The following ADPRHL1 variants were observed in gnomAD, a reference collection of about 807,000 sequenced individuals.
ADPRHL1 encodes ADP-ribosylhydrolase like 1.
In ADPRHL1, 43 loss-of-function variants were observed where a neutral mutation model predicts 44.1. The observed-to-expected ratio is 0.98, with a 90% CI of 0.76 to 1.26. ADPRHL1 has a LOEUF of 1.26. Ranked by LOEUF, ADPRHL1 falls within the 50% of genes most tolerant of loss-of-function variation. The probability of loss-of-function intolerance (pLI) is 0.00; values close to 1 mark genes in which losing one functional copy is unlikely to be tolerated. For synonymous variants in ADPRHL1, 878 were observed against 1,017.4 expected (o/e 0.86, Z 2.61); for missense variants, 2,022 against 2,496.9 (o/e 0.81, Z 4.05).
At chr13:113,419,055 TCTCCTTCCTTCACTCCCTCC>T (rs1566470048) in intron 7 of ADPRHL1, among the ~76,000 whole-genome samples, 1 of 126,188 alleles carries the variant, frequency 7.9e-6, no homozygotes, top group Non-Finnish European at 1.7e-5. Flanking sequence ...CCTTCCTTCT[TCTCCTTCCTTCACTCCCTCC>T]TTCCTTCCTT....
At chr13:113,430,386 CT>C (rs2043998197) in intron 3 of ADPRHL1, among the ~76,000 whole-genome samples, 1 of 152,206 alleles carries the variant, frequency 6.6e-6, no homozygotes, top group Admixed American at 6.5e-5. Context: ...ATCGTGGGGA[CT>C]GCAGCCGCTG....
intron 7 of ADPRHL1, among the ~76,000 whole-genome samples, chr13:113,418,987 C>T (rs889988975): frequency 7.1e-6 from 1 of 140,892 alleles, no homozygotes; most frequent in African/African-American, 2.8e-5. Context: ...TCCTTCCCTC[C>T]CTCCCTCCCT....
chr13:113,412,065 C>T (rs1277195502), intron 7 of ADPRHL1, among the ~76,000 whole-genome samples: 3 of 152,174 alleles, frequency 2.0e-5, no homozygotes, highest in East Asian at 1.9e-4. Context: ...GGTCTACTCC[C>T]GGCTCAGCAT....
At chr13:113,410,131 C>T (rs2043841437) in intron 7 of ADPRHL1, 2 of 985,372 alleles carry the variant, frequency 2.0e-6, no homozygotes, top group Non-Finnish European at 2.4e-6. Context: ...TGACCCAGGG[C>T]CAGGACGGAC....
chr13:113,423,172 T>C lies in ADPRHL1; in HGVS notation c.908-193A>G, dbSNP rs978493144. Among the ~76,000 whole-genome samples the C allele has an allele frequency of 2.0e-5, 3 of 151,970 alleles. No individual in the cohort carries two copies. The South Asian group carries it at 6.2e-4, about 32-fold the overall frequency. On this transcript the variant is annotated intron_variant, in intron 6 of 7. Transcript: ENST00000612156. ...CACAGGCGGCTGAGATGGGAGAATC[T>C]CTTGAACCCGGGAGGCAGAGGTGGC...
Position 113,430,378 on chromosome 13 carries a change from C to T in ADPRHL1, c.506-1286G>A, listed in dbSNP as rs780648053. Among the ~76,000 whole-genome samples, 7 of 152,332 alleles carry T rather than the reference C, an allele frequency of 4.6e-5. No individual in the cohort carries two copies. In the South Asian group the frequency reaches 6.2e-4, roughly 14 times the overall value. On this transcript the variant is annotated intron_variant, in intron 3 of 7. Transcript: ENST00000612156. ...GCTCTCTCCTCTCACTGCTAGCCAT[C>T]GTGGGGACTGCAGCCGCTGCGGGTC...
At chr13:113,428,689 G>A (rs539991402) in intron 4 of ADPRHL1, among the ~76,000 whole-genome samples, 4 of 152,370 alleles carry the variant, frequency 2.6e-5, no homozygotes, top group East Asian at 1.9e-4. Flanking sequence ...TGGACCCGCC[G>A]GAGGCAAATG....
Position 113,405,362 on chromosome 13 carries a change from C to T in ADPRHL1, c.3920G>A (p.Gly1307Glu). 8.1e-7 allele frequency: 1 copy of T among 1,231,878 alleles called. No individual in the cohort carries two copies. The highest frequency in any genetic ancestry group is 1.5e-5 in the African/African-American group (1 of 64,562). The allele number at this position is 1,231,878 out of a possible 1,614,324, so 76.3% of individuals were successfully genotyped here. The change falls in exon 8 of 8, where the codon GGG (glycine) becomes GAG (glutamate). Residue 1307 changes from glycine (G) to glutamate (E), a missense_variant. By Grantham distance (98) the Gly-to-Glu change is moderately conservative. Transcript: ENST00000612156. ...KGREGVRFPR[G>E]AEPDHLLPAV... The stretch of plus-strand genomic sequence containing the variant: ...GGGAAGCAGATGGTCAGGCTCCGCC[C>T]CACGGGGAAACCTGACGCCCTCCCT...
In ADPRHL1 at chr13:113,441,029, C is replaced by T. The variant is rs556339982; in HGVS notation, c.379+3396G>A. On this transcript the variant is annotated intron_variant, in intron 2 of 7. Transcript: ENST00000612156. This position sits in a 1 kb window ranked among gnomAD's most constrained non-coding sequence, Gnocchi z 6.0. ...TTAGCCAGGTGTGGTGGTGGGCGCC[C>T]GTAGTCCCAGCTACTTGGGAGGTGG... Among the ~76,000 whole-genome samples, 53 of 152,064 alleles carry T rather than the reference C, an allele frequency of 3.5e-4. No individual in the cohort carries two copies. In the East Asian group the frequency reaches 7.2e-3, roughly 21 times the overall value.
Position 113,407,412 on chromosome 13 carries a change from C to A in ADPRHL1, c.1870G>T (p.Ala624Ser). 8.1e-7 allele frequency: 1 copy of A among 1,231,862 alleles called. No homozygotes were observed. The allele number at this position is 1,231,862 out of a possible 1,614,324, so 76.3% of individuals were successfully genotyped here. A position where few individuals can be genotyped will look rare whatever the true frequency, so the allele number is the denominator to read the frequency against. Reference protein sequence around the residue: ...TAEPLPALSIATVVCGPRSWL... With the variant: ...TAEPLPALSISTVVCGPRSWL... ...CTCCTGGGGCCACAGACGACGGTGG[C>A]GATGCTGAGGGCCGGCAGGGGCTCA... The change falls in exon 8 of 8, where the codon GCC (alanine) becomes TCC (serine). Residue 624 changes from alanine to serine, a missense_variant. Around this residue, in one of 8 missense-constraint regions of ADPRHL1, gnomAD observed 1,221 missense variants for 1,517.8 expected, o/e 0.80. Transcript: ENST00000612156.
At chr13:113,444,814 G>A (rs906814063) in intron 1 of ADPRHL1, among the ~76,000 whole-genome samples, 5 of 151,912 alleles carry the variant, frequency 3.3e-5, no homozygotes, top group Admixed American at 6.6e-5. Flanking sequence ...TAGTAGAGAC[G>A]GGGTTTCACC....
chr13:113,412,870 G>A (rs1326149786), intron 7 of ADPRHL1, among the ~76,000 whole-genome samples: 1 of 51,446 alleles, frequency 1.9e-5, no homozygotes, highest in African/African-American at 1.2e-4. Flanking sequence ...TTCACCCACC[G>A]CCAACAGCGC....
chr13:113,406,804 T>C lies in ADPRHL1; in HGVS notation c.2478A>G (p.Pro826=). The change falls in exon 8 of 8, where the codon CCA becomes CCG. Residue 826 remains proline (P), a synonymous_variant. Coordinates refer to ENST00000612156, the MANE Select transcript of ADPRHL1 (RefSeq NM_001394807.1). The part of the protein sequence containing the change: ...VPEHIPPLNA[P]SVQAARRTQP... ...GTGTTCTCCGAGCAGCCTGGACCGA[T>C]GGAGCGTTCAGGGGTGGGATGTGCT... The C allele has an allele frequency of 8.1e-7, 1 of 1,232,072 alleles. No individual in the cohort carries two copies. The highest frequency in any genetic ancestry group is 1.0e-6 in the Non-Finnish European group (1 of 988,012). 76.3% of individuals were successfully genotyped at this position (1,232,072 alleles called of 1,614,324 possible). A position where few individuals can be genotyped will look rare whatever the true frequency, so the allele number is the denominator to read the frequency against.
At chr13:113,443,856 T>C (rs1299975489) in intron 2 of ADPRHL1, among the ~76,000 whole-genome samples, 2 of 151,592 alleles carry the variant, frequency 1.3e-5, no homozygotes, top group Non-Finnish European at 2.9e-5. Context: ...GACCGGAGAA[T>C]TTCCTGAACC....
At chr13:113,410,868 G>A (rs994889813) in intron 7 of ADPRHL1, among the ~76,000 whole-genome samples, 6 of 152,240 alleles carry the variant, frequency 3.9e-5, no homozygotes, top group African/African-American at 1.2e-4. Context: ...GCCTTCCGCC[G>A]GGCGTCTCTG....
chr13:113,404,751 G>A lies in ADPRHL1; in HGVS notation c.4531C>T (p.Gln1511Ter). The change falls in exon 8 of 8, where the codon CAG becomes TAG. Residue 1511 changes from glutamine (Q) to a stop codon, truncating the protein, a stop_gained. Transcript: ENST00000612156. LOFTEE classifies it low-confidence loss of function (END_TRUNC). ...TGCCCCTGGGCCTCTATCTGGGTCT[G>A]CCACTGGGCCTGTTCTTGAGCGTGT... ...QGHAQEQAQWQTQIEAQGQAQ... is the reference protein window; with the variant it reads ...QGHAQEQAQW The A allele has an allele frequency of 1.6e-6, 2 of 1,273,818 alleles. No homozygotes were observed. The highest frequency in any genetic ancestry group is 2.0e-6 in the Non-Finnish European group (2 of 1,015,024). 78.9% of individuals were successfully genotyped at this position (1,273,818 alleles called of 1,614,324 possible).
chr13:113,445,271 A>G (rs1019157466), intron 1 of ADPRHL1, among the ~76,000 whole-genome samples: 2 of 152,248 alleles, frequency 1.3e-5, no homozygotes, highest in South Asian at 2.1e-4. Flanking sequence ...ATTCCCTGAT[A>G]AGGCTCAGTG....
intron 1 of ADPRHL1, among the ~76,000 whole-genome samples, chr13:113,444,829 C>T (rs546799471): frequency 0.038 from 5,798 of 151,878 alleles, 347 homozygotes; most frequent in African/African-American, 0.13. Flanking sequence ...TTCACCATGT[C>T]GGCCAGGATG....
chr13:113,453,392 C>A lies in ADPRHL1; in HGVS notation c.46G>T (p.Ala16Ser). The change falls in exon 1 of 8, where the codon GCT becomes TCT. Residue 16 changes from alanine to serine, a missense_variant. By Grantham distance (99) the Ala-to-Ser change is moderately conservative. Around this residue, in one of 8 missense-constraint regions of ADPRHL1, gnomAD observed 437 missense variants for 430.7 expected, o/e 1.01. Transcript: ENST00000612156. This position sits in a 1 kb window ranked among gnomAD's most constrained non-coding sequence, Gnocchi z 5.4. Reference sequence around the variant, plus strand: ...TTGCAGACATTTCTGTAGCCAAGAGCATCGCCGACGCTCCCCAGCAACATC... The same window carrying A: ...TTGCAGACATTTCTGTAGCCAAGAGAATCGCCGACGCTCCCCAGCAACATC... ...AAMLLGSVGDALGYRNVCKEN... is the reference protein window; with the variant it reads ...AAMLLGSVGDSLGYRNVCKEN... 6.2e-7 allele frequency: 1 copy of A among 1,614,198 alleles called. No individual in the cohort carries two copies. The highest frequency in any genetic ancestry group is 1.1e-5 in the South Asian group (1 of 91,082).
Sources: gnomAD v4.1 joint callset for allele counts (sites outside exome capture counted in the v4.1 genomes callset) on GRCh38, gnomAD v4.1.1 for gene constraint, gnomAD v4.1.1 regional missense constraint, Gnocchi (gnomAD v3.1) non-coding constraint, MANE v1.5 for transcripts, NCBI Gene and HGNC (gene_info 2026-07-23, HGNC 2026-07-21) for gene names.